Variants in MGAM observed in about 807,000 individuals in gnomAD.
The protein encoded by MGAM is maltase-glucoamylase, also known as alpha-1,4-glucosidase.
A neutral mutation model predicts 358.8 loss-of-function variants in MGAM; 253 were observed. The ratio of observed to expected loss-of-function variants is 0.71; its 90% CI spans 0.64 to 0.78. The LOEUF is 0.78. Among genes scored for constraint, MGAM ranks in the 30% least tolerant of loss-of-function variants. The pLI is 0.00. For synonymous variants in MGAM, 1,105 were observed against 1,227.1 expected (o/e 0.90, Z 2.08); for missense variants, 3,080 against 3,432.6 (o/e 0.90, Z 2.57).
intron 42 of MGAM, among the ~76,000 whole-genome samples, chr7:142,068,162 TC>T (rs2129046089): frequency 7.6e-6 from 1 of 131,162 alleles, no homozygotes; most frequent in Non-Finnish European, 1.7e-5. Context: ...AATTTTTTTT[TC>T]TTTTTTTGTA....
chr7:141,992,766 A>G (rs187687509), upstream of MGAM, among the ~76,000 whole-genome samples: 279 of 152,068 alleles, frequency 1.8e-3, 1 homozygote, highest in Middle Eastern at 3.4e-3. Context: ...TATTTTTTGT[A>G]GAGACATGTT....
At position 142,082,431 on chromosome 7, in the gene MGAM, T is replaced by C. The variant is rs529558282; in HGVS notation, c.6172-44T>C. The C allele has an allele frequency of 1.5e-5, 21 of 1,391,040 alleles. 4 individuals are homozygous for C. Among genetic ancestry groups the C allele is most frequent in the Non-Finnish European group, 2.1e-5 (21 of 1,006,046 alleles). The allele number at this position is 1,391,040 out of a possible 1,614,324, so 86.2% of individuals were successfully genotyped here. On this transcript the variant is annotated intron_variant, in intron 51 of 70. Transcript: ENST00000475668. ...TTTTGTTGAGTTTCTTTCTCAGGCA[T>C]AATGTCTTTTAAACTCCTACTGCTT... is the stretch of plus-strand genomic sequence containing the variant.
At chr7:142,030,187 T>C in intron 10 of MGAM, 175 bp from the exon 11 acceptor site, 1 of 683,998 alleles carries the variant, frequency 1.5e-6, no homozygotes, top group Non-Finnish European at 2.3e-6. Flanking sequence ...CAACCAGTCG[T>C]GTGTTTTTGA....
chr7:142,088,743 GTCTGTCTATCTATCTA>G (rs1181289341), intron 57 of MGAM, among the ~76,000 whole-genome samples: 1,311 of 96,694 alleles, frequency 0.014, 34 homozygotes, highest in African/African-American at 0.044. Flanking sequence ...CTGTCTGTCT[GTCTGTCTATCTATCTA>G]TCTATCTATC....
chr7:142,088,996 G>GTATGTATGTATGTATGTATC (rs771119657), intron 57 of MGAM, among the ~76,000 whole-genome samples: 20 of 118,044 alleles, frequency 1.7e-4, no homozygotes, highest in South Asian at 6.3e-4. Flanking sequence ...ATGTATGTAT[G>GTATGTATGTATGTATGTATC]TATCTATCTA....
At position 142,086,295 on chromosome 7, in the gene MGAM, G is replaced by T; in HGVS notation, c.6714G>T (p.Lys2238Asn). Residue 2238 changes from lysine (K) to asparagine (N), a missense_variant, in exon 56 of 71, where the codon AAG becomes AAT. By Grantham distance (94) the Lys-to-Asn change is moderately conservative. Transcript: ENST00000475668. Reference sequence around the variant, plus strand: ...GCGTGGAGGATGACGTCTTCATCAAGTACCCAAATGATGGAGACATTGTCT... The same window carrying T: ...GCGTGGAGGATGACGTCTTCATCAATTACCCAAATGATGGAGACATTGTCT... The part of the protein sequence containing the change: ...TRGVEDDVFI[K>N]YPNDGDIVWG... The T allele has an allele frequency of 6.5e-7, 1 of 1,537,938 alleles. No individual in the cohort carries two copies. Among genetic ancestry groups the T allele is most frequent in the Non-Finnish European group, 8.9e-7 (1 of 1,122,000 alleles).
chr7:142,043,888 T>G (rs1379223889), intron 21 of MGAM, among the ~76,000 whole-genome samples: 1 of 121,518 alleles, frequency 8.2e-6, no homozygotes, highest in Non-Finnish European at 1.7e-5. Flanking sequence ...CGACGTATAA[T>G]ATATACATTA....
intron 15 of MGAM, 28 bp downstream of exon 15, chr7:142,034,407 A>G: frequency 7.4e-7 from 1 of 1,343,762 alleles, no homozygotes; most frequent in South Asian, 1.3e-5. Flanking sequence ...ATGACCTGCT[A>G]ATTATTGAAT....
At chr7:142,022,536 T>A in intron 7 of MGAM, 97 bp downstream of exon 7, 1 of 1,307,982 alleles carries the variant, frequency 7.6e-7, no homozygotes, top group Non-Finnish European at 1.0e-6. Context: ...AGTTAGAGTC[T>A]AGAGTGAGAC....
At chr7:142,063,384 G>A (rs1460210812) in intron 35 of MGAM, 115 bp from the exon 36 acceptor site, 2 of 1,227,460 alleles carry the variant, frequency 1.6e-6, no homozygotes, top group East Asian at 5.1e-5. Flanking sequence ...TCCCAGGGCT[G>A]GCATCTACAG....
At position 142,077,760 on chromosome 7, in the gene MGAM, T is replaced by C. The variant is rs1284114324; in HGVS notation, c.5494-558T>C. On this transcript the variant is annotated intron_variant, in intron 47 of 70. Coordinates refer to ENST00000475668, the MANE Select transcript of MGAM (RefSeq NM_001365693.1). ...AAATATTTCATATACTCCATAAATA[T>C]GTATACCTACTATATACTCATTAAA... Among the ~76,000 whole-genome samples the C allele has an allele frequency of 2.1e-5, 3 of 145,806 alleles. 1 individual carries two copies. In the East Asian group the frequency reaches 6.1e-4, roughly 29 times the overall value.
intron 19 of MGAM, among the ~76,000 whole-genome samples, chr7:142,038,959 G>C (rs1808258000): frequency 6.6e-6 from 1 of 152,146 alleles, no homozygotes; most frequent in African/African-American, 2.4e-5. Flanking sequence ...AGTTCTGAAA[G>C]CTTTACAAGA....
chr7:142,092,079 A>G lies in MGAM; in HGVS notation c.6945+32A>G, dbSNP rs13310649. 2.9e-4 allele frequency: 447 copies of G among 1,542,764 alleles called. 18 individuals are homozygous for G. In the African/African-American group the frequency reaches 5.2e-3, roughly 18 times the overall value. ...GTGTGTGTGTCTCTGTGTACCAGTG[A>G]CACTTGTCTATCTTTGTGTGCCTAC... On this transcript the variant is annotated intron_variant, in intron 58 of 70. Transcript: ENST00000475668.
chr7:141,992,849 C>T (rs960315050), upstream of MGAM, among the ~76,000 whole-genome samples: 7 of 152,158 alleles, frequency 4.6e-5, no homozygotes, highest in Admixed American at 3.9e-4. Context: ...TCCCAAAGTG[C>T]TAGGATTACA....
intron 21 of MGAM, among the ~76,000 whole-genome samples, chr7:142,046,173 T>TATATATA (rs1810391924): frequency 1.4e-5 from 2 of 147,622 alleles, no homozygotes; most frequent in African/African-American, 4.9e-5. Flanking sequence ...TTTTGTTTTG[T>TATATATA]TTTGTTTTTT....
intron 22 of MGAM, among the ~76,000 whole-genome samples, chr7:142,049,201 A>G (rs1810701185): frequency 6.6e-6 from 1 of 152,042 alleles, no homozygotes; most frequent in African/African-American, 2.4e-5. Context: ...TCTTCTTTTT[A>G]TGTCTGAATA....
At chr7:142,048,796 A>C (rs1810664755) in intron 22 of MGAM, among the ~76,000 whole-genome samples, 1 of 151,780 alleles carries the variant, frequency 6.6e-6, no homozygotes, top group Non-Finnish European at 1.5e-5. Context: ...GTAGATTTAA[A>C]TATTTATTTT....
chr7:142,100,725 T>G, intron 67 of MGAM, 77 bp from the exon 68 acceptor site: 5 of 1,262,144 alleles, frequency 4.0e-6, no homozygotes, highest in Non-Finnish European at 5.7e-6. Flanking sequence ...CTTTGCTGCT[T>G]TATGTTTGTA....
At chr7:142,072,112 T>C (rs1188097263) in intron 44 of MGAM, among the ~76,000 whole-genome samples, 3 of 146,114 alleles carry the variant, frequency 2.1e-5, no homozygotes, top group African/African-American at 7.3e-5. Flanking sequence ...ACCAAATTGA[T>C]TTTTCCAAAA....
Sources: allele counts gnomAD v4.1 joint callset (sites outside exome capture counted in the v4.1 genomes callset), GRCh38; gene constraint gnomAD v4.1.1; transcripts MANE v1.5; gene names NCBI Gene and HGNC (gene_info 2026-07-23, HGNC 2026-07-21).